The following RPL26L1 variants were observed in gnomAD, a reference collection of about 807,000 sequenced individuals.
RPL26L1 encodes the protein ribosomal protein uL24-like.
A neutral mutation model predicts 15.2 loss-of-function variants in RPL26L1; 8 were observed. That is an observed-to-expected ratio of 0.53 (90% CI 0.31 to 0.95). The LOEUF is 0.95. Among genes scored for constraint, RPL26L1 ranks in the 40% least tolerant of loss-of-function variants. The pLI, the probability that RPL26L1 is intolerant of heterozygous loss-of-function variation, is 0.05. For missense variants in RPL26L1, 146 were observed against 190.9 expected (o/e 0.76, Z 1.39); for synonymous variants, 51 against 65.9 (o/e 0.77, Z 1.09).
rs373446840 is a variant in RPL26L1 at position 172,959,938 on chromosome 5, C to A, written c.65C>A (p.Pro22His). The change falls in exon 2 of 4, where the codon CCC becomes CAC. Residue 22 changes from proline (P) to histidine (H), a missense_variant. Transcript: ENST00000265100. ...AACCGCAAACGTCACTTCAATGCCCCCTCACACGTGCGCAGGAAGATCATG... is the reference window on the plus strand; with the variant it reads ...AACCGCAAACGTCACTTCAATGCCCACTCACACGTGCGCAGGAAGATCATG... ...SKNRKRHFNA[P>H]SHVRRKIMSS... 62 of 1,614,076 alleles carry A rather than the reference C, an allele frequency of 3.8e-5. No homozygotes were observed. The highest frequency in any genetic ancestry group is 5.2e-5 in the Non-Finnish European group (61 of 1,180,040).
chr5:172,968,475 A>G lies in RPL26L1; in HGVS notation c.185A>G (p.Tyr62Cys), dbSNP rs1755555314. 3 of 1,613,904 alleles carry G rather than the reference A, an allele frequency of 1.9e-6. No homozygotes were observed. Among genetic ancestry groups the G allele is most frequent in the Non-Finnish European group, 2.5e-6 (3 of 1,179,966 alleles). Residue 62 changes from tyrosine to cysteine, a missense_variant, in exon 3 of 4, where the codon TAC becomes TGC. Tyr to Cys is a radical substitution (Grantham distance 194, BLOSUM62 -2). Coordinates refer to ENST00000265100, the MANE Select transcript of RPL26L1 (RefSeq NM_016093.4). ...TTCTCTTAGGTAGTTCGAGGACACT[A>G]CAAAGGTCAGCAAATTGGCAAGGTA... ...DDEVQVVRGH[Y>C]KGQQIGKVVQ...
rs149828092 is a variant in RPL26L1, at chr5:172,960,222, A to G, written c.168+181A>G. The stretch of plus-strand genomic sequence containing the variant: ...TGCCTGCGTTGCTTTAGAGCATTTA[A>G]TTATTTAATAGTAATAGTAAAATTT... On this transcript the variant is annotated intron_variant, in intron 2 of 3. Coordinates refer to ENST00000265100, the MANE Select transcript of RPL26L1 (RefSeq NM_016093.4). 7.1e-3 allele frequency among the ~76,000 whole-genome samples: 1,077 copies of G among 152,322 alleles called. 4 individuals carry two copies. Among genetic ancestry groups the G allele is most frequent in the South Asian group, 0.019 (94 of 4,828 alleles).
intron 2 of RPL26L1, among the ~76,000 whole-genome samples, chr5:172,966,884 T>G (rs1447473274): frequency 5.3e-5 from 8 of 151,436 alleles, no homozygotes; most frequent in Non-Finnish European, 1.2e-4. Flanking sequence ...TGAGGCGGTG[T>G]CTCGCTCTGT....
chr5:172,958,624 C>G (rs1355543231), upstream of RPL26L1: 5 of 313,544 alleles, frequency 1.6e-5, no homozygotes, highest in African/African-American at 1.1e-4. Flanking sequence ...ACAGCTCCGT[C>G]GGGACCAGAG....
chr5:172,969,425 A>G lies in RPL26L1; in HGVS notation c.322A>G (p.Arg108Gly), dbSNP rs1755600334. The G allele has an allele frequency of 6.2e-7, 1 of 1,613,562 alleles. No individual in the cohort carries two copies. The highest frequency in any genetic ancestry group is 8.5e-7 in the Non-Finnish European group (1 of 1,179,598). Reference sequence around the variant, plus strand: ...TCACTCCCAACAGGTGGTTATCACCAGGCTAAAACTGGACAAGGATCGGAA... The same window carrying G: ...TCACTCCCAACAGGTGGTTATCACCGGGCTAAAACTGGACAAGGATCGGAA... ...GIHPSKVVIT[R>G]LKLDKDRKKI... The change falls in exon 4 of 4, where the codon AGG (arginine) becomes GGG (glycine). Residue 108 changes from arginine (R) to glycine (G), a missense_variant. By Grantham distance (125) the Arg-to-Gly change is moderately radical. Transcript: ENST00000265100.
In RPL26L1 at chr5:172,964,281, C is replaced by CCTTTTTTTT. The variant is rs1402885653; in HGVS notation, c.169-4178_169-4177insCTTTTTTTT. On this transcript the variant is annotated intron_variant, in intron 2 of 3. Transcript: ENST00000265100. ...TGAGCCACAGTGTCTGGCCTGTTGC[C>CCTTTTTTTT]TTTTTTTTTTTTTTTTTTTTTGAGA... is the stretch of plus-strand genomic sequence containing the variant. Among the ~76,000 whole-genome samples, 425 of 99,206 alleles carry CCTTTTTTTT rather than the reference C, an allele frequency of 4.3e-3. 109 individuals carry two copies. The highest frequency in any genetic ancestry group is 4.6e-3 in the Non-Finnish European group (228 of 49,258). The allele number at this position is 99,206 out of a possible 152,430, so 65.1% of individuals were successfully genotyped here.
chr5:172,954,191 T>A (rs1364589038), upstream of RPL26L1, among the ~76,000 whole-genome samples: 1 of 152,196 alleles, frequency 6.6e-6, no homozygotes. Context: ...CTAAGTTGAA[T>A]GCTTTAGAGA....
intron 1 of RPL26L1, 175 bp from the exon 2 acceptor site, chr5:172,959,690 T>A (rs1007700167): frequency 1.3e-4 from 140 of 1,071,724 alleles, no homozygotes; most frequent in Admixed American, 3.5e-4. Flanking sequence ...CACACACGCC[T>A]CACTTTATGT....
chr5:172,969,300 T>A, intron 3 of RPL26L1, 113 bp from the exon 4 acceptor site: 1 of 1,098,236 alleles, frequency 9.1e-7, no homozygotes, highest in East Asian at 2.4e-5. Flanking sequence ...CCTTCCAGAG[T>A]TTCAGTTCCT....
At chr5:172,966,289 G>T (rs368196601) in intron 2 of RPL26L1, among the ~76,000 whole-genome samples, 1 of 145,062 alleles carries the variant, frequency 6.9e-6, no homozygotes, top group Non-Finnish European at 1.5e-5. Flanking sequence ...GATCATAGGC[G>T]CATGCCACCA....
At position 172,960,001 on chromosome 5, in the gene RPL26L1, A is replaced by G. The variant is rs574506514; in HGVS notation, c.128A>G (p.Asn43Ser). The G allele has an allele frequency of 2.3e-5, 37 of 1,614,188 alleles. No homozygotes were observed. Among genetic ancestry groups the G allele is most frequent in the African/African-American group, 1.5e-4 (11 of 75,056 alleles). The change falls in exon 2 of 4, where the codon AAT becomes AGT. Residue 43 changes from asparagine to serine, a missense_variant. Asn to Ser is a conservative substitution (Grantham distance 46). Coordinates refer to ENST00000265100, the MANE Select transcript of RPL26L1 (RefSeq NM_016093.4). ...PLSKELRQKY[N>S]VRSMPIRKDD... ...TCCAAGGAGCTGCGGCAGAAGTACA[A>G]TGTCCGCTCCATGCCCATCCGCAAG...
chr5:172,957,622 A>C (rs1581600628), upstream of RPL26L1: 2 of 248,640 alleles, frequency 8.0e-6, no homozygotes, highest in East Asian at 2.3e-4. Flanking sequence ...TGAGTGAGTG[A>C]GTGAATGAAT....
At chr5:172,964,722 T>G (rs1174857597) in intron 2 of RPL26L1, among the ~76,000 whole-genome samples, 8 of 152,250 alleles carry the variant, frequency 5.3e-5, no homozygotes, top group African/African-American at 1.9e-4. Context: ...CACGGGATCT[T>G]CTGAATCTCA....
chr5:172,962,271 C>T (rs934657334), intron 2 of RPL26L1, among the ~76,000 whole-genome samples: 1 of 152,148 alleles, frequency 6.6e-6, no homozygotes, highest in African/African-American at 2.4e-5. Context: ...GTTTGGGAGG[C>T]CCAGGCGGGT....
intron 1 of RPL26L1, 69 bp downstream of exon 1, chr5:172,959,537 G>A (rs1755135096): frequency 9.0e-7 from 1 of 1,114,920 alleles, no homozygotes; most frequent in South Asian, 2.3e-5. Context: ...CCTATGTGTC[G>A]CGGGAACACA....
At chr5:172,955,792 C>G (rs1754954059), upstream of RPL26L1, 1 of 152,198 alleles carries the variant, frequency 6.6e-6, no homozygotes, top group Non-Finnish European at 1.5e-5. Context: ...ATGTTATCTC[C>G]TTTTTAGGAA....
At position 172,959,971 on chromosome 5, in the gene RPL26L1, C is replaced by G. The variant is rs758996483; in HGVS notation, c.98C>G (p.Pro33Arg). 5 of 1,614,206 alleles carry G rather than the reference C, an allele frequency of 3.1e-6. No homozygotes were observed. In the Admixed American group the frequency reaches 8.3e-5, roughly 27 times the overall value. The part of the protein sequence containing the change: ...SHVRRKIMSS[P>R]LSKELRQKYN... Reference sequence around the variant, plus strand: ...GTGCGCAGGAAGATCATGTCATCCCCGCTCTCCAAGGAGCTGCGGCAGAAG... The same window carrying G: ...GTGCGCAGGAAGATCATGTCATCCCGGCTCTCCAAGGAGCTGCGGCAGAAG... Residue 33 changes from proline to arginine, a missense_variant, in exon 2 of 4, where the codon CCG (proline) becomes CGG (arginine). Transcript: ENST00000265100.
In RPL26L1 at chr5:172,964,281, C is replaced by CCTTTTTTTTTTT. The variant is rs1402885653; in HGVS notation, c.169-4178_169-4177insCTTTTTTTTTTT. On this transcript the variant is annotated intron_variant, in intron 2 of 3. Transcript: ENST00000265100. ...TGAGCCACAGTGTCTGGCCTGTTGC[C>CCTTTTTTTTTTT]TTTTTTTTTTTTTTTTTTTTTGAGA... Among the ~76,000 whole-genome samples the CCTTTTTTTTTTT allele has an allele frequency of 9.3e-4, 92 of 99,234 alleles. 29 individuals carry two copies. Among genetic ancestry groups the CCTTTTTTTTTTT allele is most frequent in the South Asian group, 1.6e-3 (5 of 3,156 alleles). The allele number at this position is 99,234 out of a possible 152,430, so 65.1% of individuals were successfully genotyped here. A position where few individuals can be genotyped will look rare whatever the true frequency, so the allele number is the denominator to read the frequency against.
At chr5:172,967,791 C>T (rs936129949) in intron 2 of RPL26L1, among the ~76,000 whole-genome samples, 1 of 150,916 alleles carries the variant, frequency 6.6e-6, no homozygotes, top group African/African-American at 2.4e-5. Context: ...TATGTATACA[C>T]ATATATGTAT....
Sources: allele counts gnomAD v4.1 joint callset (sites outside exome capture counted in the v4.1 genomes callset), GRCh38; gene constraint gnomAD v4.1.1; transcripts MANE v1.5; gene names NCBI Gene and HGNC (gene_info 2026-07-23, HGNC 2026-07-21).